SIPA1L2: variants seen among roughly 807,000 people sequenced by gnomAD.
SIPA1L2 encodes the protein signal-induced proliferation-associated 1-like protein 2.
A neutral mutation model predicts 163.9 loss-of-function variants in SIPA1L2; 56 were observed. That is an observed-to-expected ratio of 0.34 (90% CI 0.28 to 0.43). The LOEUF (loss-of-function observed/expected upper bound fraction) is 0.43. SIPA1L2 is among the 20% of genes least tolerant of loss of function. The probability of loss-of-function intolerance (pLI) is 1.00; values close to 1 mark genes in which losing one functional copy is unlikely to be tolerated. For missense variants in SIPA1L2, 1,974 were observed against 2,193.5 expected, an observed-to-expected ratio of 0.90 and a Z score of 2.00; for synonymous variants, 877 against 865.7, an observed-to-expected ratio of 1.01 and a Z score of -0.23.
rs1206083529 is a variant in SIPA1L2 at position 232,464,873 on chromosome 1, A to G, written c.2787T>C (p.Ala929=). ...CVLLSSVDNC[A]EDIREIVQRL... is the part of the protein sequence containing the mutation. Reference sequence around the variant, plus strand: ...GCTGAACAATTTCCCTGATGTCTTCAGCACAGTTGTCTACCGAGGACAGGA... The same window carrying G: ...GCTGAACAATTTCCCTGATGTCTTCGGCACAGTTGTCTACCGAGGACAGGA... The change falls in exon 9 of 23, where the codon GCT becomes GCC. Residue 929 remains alanine, a synonymous_variant. Coordinates refer to ENST00000674635, the MANE Select transcript of SIPA1L2 (RefSeq NM_020808.5). The G allele has an allele frequency of 6.8e-6, 11 of 1,612,180 alleles. No individual in the cohort carries two copies. The African/African-American group carries it at 1.1e-4, about 16-fold the overall frequency.
rs140304905 is a variant in SIPA1L2, at chr1:232,487,855, A to G, written c.1806+3019T>C. 4.7e-3 allele frequency among the ~76,000 whole-genome samples: 715 copies of G among 152,134 alleles called. 8 individuals carry two copies. Among genetic ancestry groups the G allele is most frequent in the African/African-American group, 0.016 (684 of 41,502 alleles). ...CAGAGTACATATACTCAGTGGTTAC[A>G]TGACAAACCAGGATGGACTGCAAAC... On this transcript the variant is annotated intron_variant, in intron 5 of 22. Coordinates refer to ENST00000674635, the MANE Select transcript of SIPA1L2 (RefSeq NM_020808.5).
At chr1:232,614,665 G>A (rs1662413643) in intron 1 of SIPA1L2, among the ~76,000 whole-genome samples, 1 of 152,174 alleles carries the variant, frequency 6.6e-6, no homozygotes, top group African/African-American at 2.4e-5. Flanking sequence ...TATATGCATA[G>A]CCCATCTATA....
chr1:232,456,553 AT>A (rs1183713759), intron 10 of SIPA1L2, among the ~76,000 whole-genome samples: 1 of 152,224 alleles, frequency 6.6e-6, no homozygotes, highest in Non-Finnish European at 1.5e-5. Flanking sequence ...TTTATTGGAC[AT>A]ATTTACTAAA....
At chr1:232,619,691 T>C (rs936858039) in intron 1 of SIPA1L2, among the ~76,000 whole-genome samples, 1 of 152,164 alleles carries the variant, frequency 6.6e-6, no homozygotes, top group African/African-American at 2.4e-5. Flanking sequence ...AGGGTGCCCC[T>C]GTTAACTTGG....
intron 8 of SIPA1L2, among the ~76,000 whole-genome samples, chr1:232,469,988 T>G (rs563010861): frequency 2.0e-5 from 3 of 152,064 alleles, no homozygotes; most frequent in South Asian, 2.1e-4. Context: ...GTACTCCATT[T>G]GACCTAAAAA....
At position 232,490,862 on chromosome 1, in the gene SIPA1L2, C is replaced by T. The variant is rs199549733; in HGVS notation, c.1806+12G>A. ...ATTCACACACAAACATACAATCTCACATTATACACACCCCTTGTTCATCAA... is the reference window on the plus strand; with the variant it reads ...ATTCACACACAAACATACAATCTCATATTATACACACCCCTTGTTCATCAA... On this transcript the variant is annotated intron_variant, in intron 5 of 22. Transcript: ENST00000674635. 1.1e-4 allele frequency: 179 copies of T among 1,605,106 alleles called. 2 individuals are homozygous for T. In the African/African-American group the frequency reaches 1.9e-3, roughly 17 times the overall value.
At chr1:232,584,372 A>G (rs1446499763) in intron 1 of SIPA1L2, among the ~76,000 whole-genome samples, 2 of 152,114 alleles carry the variant, frequency 1.3e-5, no homozygotes, top group African/African-American at 2.4e-5. Context: ...CTACAGGTGC[A>G]TGCCACCACG....
chr1:232,584,001 A>C (rs1171495929), intron 1 of SIPA1L2, among the ~76,000 whole-genome samples: 18 of 151,236 alleles, frequency 1.2e-4, no homozygotes, highest in East Asian at 1.9e-4. Context: ...TATAAAACCT[A>C]AACGTATTAA....
At chr1:232,501,320 C>T (rs994845317) in intron 3 of SIPA1L2, among the ~76,000 whole-genome samples, 1 of 152,080 alleles carries the variant, frequency 6.6e-6, no homozygotes, top group Non-Finnish European at 1.5e-5. Context: ...TTTATATGCA[C>T]CGTGAAACCA....
intron 1 of SIPA1L2, among the ~76,000 whole-genome samples, chr1:232,628,836 A>C (rs1204855059): frequency 1.3e-5 from 2 of 152,232 alleles, no homozygotes; most frequent in African/African-American, 4.8e-5. Flanking sequence ...CAAAAGAGGC[A>C]AAGAAAAGAA....
chr1:232,511,740 C>T (rs1666990073), intron 3 of SIPA1L2, among the ~76,000 whole-genome samples: 1 of 149,122 alleles, frequency 6.7e-6, no homozygotes. Flanking sequence ...GAAACCAATA[C>T]TGATGAAATT....
At chr1:232,433,326 T>A (rs796627646) in intron 15 of SIPA1L2, among the ~76,000 whole-genome samples, 67 of 152,200 alleles carry the variant, frequency 4.4e-4, no homozygotes, top group African/African-American at 1.5e-3. Context: ...ATAAAGTTCA[T>A]AAACAGGTAA....
chr1:232,479,822 C>A (rs1665233538), intron 6 of SIPA1L2, 92 bp from the exon 7 acceptor site: 7 of 1,057,300 alleles, frequency 6.6e-6, no homozygotes, highest in Admixed American at 6.0e-5. Context: ...AAACAAAAAA[C>A]AAAAAACACC....
chr1:232,567,554 G>A (rs1659477729), intron 2 of SIPA1L2, among the ~76,000 whole-genome samples: 1 of 152,016 alleles, frequency 6.6e-6, no homozygotes, highest in Non-Finnish European at 1.5e-5. Context: ...ATCCTCCCTT[G>A]CCAATAAAAA....
intron 1 of SIPA1L2, among the ~76,000 whole-genome samples, 96 bp downstream of exon 1, chr1:232,629,773 A>G (rs1663284846): frequency 1.3e-5 from 2 of 151,798 alleles, no homozygotes; most frequent in Non-Finnish European, 2.9e-5. Context: ...AGCGCCCCGA[A>G]GGGCATCCCC....
chr1:232,517,468 A>G (rs1464984489), intron 2 of SIPA1L2, among the ~76,000 whole-genome samples: 1 of 152,214 alleles, frequency 6.6e-6, no homozygotes, highest in Non-Finnish European at 1.5e-5. Context: ...GGAAGCTCTG[A>G]GTTTAAGCCA....
intron 7 of SIPA1L2, among the ~76,000 whole-genome samples, chr1:232,476,401 T>A (rs954847902): frequency 1.3e-5 from 2 of 152,210 alleles, no homozygotes; most frequent in African/African-American, 4.8e-5. Context: ...TAGGTTACTG[T>A]GTGCCAGGCA....
Position 232,425,764 on chromosome 1 carries a change from G to C in SIPA1L2, c.4455C>G (p.Arg1485=), listed in dbSNP as rs781448622. The C allele has an allele frequency of 6.2e-7, 1 of 1,614,002 alleles. No homozygotes were observed. Among genetic ancestry groups the C allele is most frequent in the African/African-American group, 1.3e-5 (1 of 74,938 alleles). Residue 1485 remains arginine, a synonymous_variant, in exon 18 of 23, where the codon CGC becomes CGG. Transcript: ENST00000674635. ...GNLSPRRSLY[R]TLSDESICSN... ...TGCAGATGCTCTCGTCAGACAGCGTGCGGTAAAGCGACCTCCTTGGAGACA... is the reference window on the plus strand; with the variant it reads ...TGCAGATGCTCTCGTCAGACAGCGTCCGGTAAAGCGACCTCCTTGGAGACA...
intron 1 of SIPA1L2, among the ~76,000 whole-genome samples, chr1:232,591,412 T>C (rs907785040): frequency 6.6e-6 from 1 of 152,240 alleles, no homozygotes; most frequent in African/African-American, 2.4e-5. Flanking sequence ...TTACCTGTTC[T>C]ACACCAAACC....
Sources: allele counts gnomAD v4.1 joint callset (sites outside exome capture counted in the v4.1 genomes callset), GRCh38; gene constraint gnomAD v4.1.1; transcripts MANE v1.5; gene names NCBI Gene and HGNC (gene_info 2026-07-23, HGNC 2026-07-21).